The following OXCT1 variants were observed in gnomAD, a reference collection of about 807,000 sequenced individuals.
OXCT1 encodes succinyl-CoA:3-ketoacid coenzyme A transferase 1, mitochondrial.
A neutral mutation model predicts 69.6 loss-of-function variants in OXCT1; 27 were observed. The ratio of observed to expected loss-of-function variants is 0.39; its 90% confidence interval spans 0.29 to 0.54. The LOEUF (loss-of-function observed/expected upper bound fraction) is 0.54, where lower values mean the gene tolerates loss of function less well. OXCT1 is among the 20% of genes least tolerant of loss of function. The pLI, the probability that OXCT1 is intolerant of heterozygous loss-of-function variation, is 0.72. For missense variants in OXCT1, 437 were observed against 650.2 expected (o/e 0.67, Z 3.57); for synonymous variants, 202 against 217.8 (o/e 0.93, Z 0.64).
chr5:41,845,198 C>G (rs1311218282), intron 5 of OXCT1, among the ~76,000 whole-genome samples: 2 of 152,186 alleles, frequency 1.3e-5, no homozygotes, highest in African/African-American at 4.8e-5. Flanking sequence ...GCCTCAGCAC[C>G]TTGTACTTAC....
intron 1 of OXCT1, 60 bp from the exon 2 acceptor site, chr5:41,862,810 T>A: frequency 2.0e-6 from 2 of 986,782 alleles, no homozygotes; most frequent in Non-Finnish European, 3.2e-6. Context: ...ACTTTGTGTG[T>A]GTAGCAATTT....
At chr5:41,767,722 G>GTATA (rs367584226) in intron 13 of OXCT1, among the ~76,000 whole-genome samples, 15,099 of 88,796 alleles carry the variant, frequency 0.17, 1,253 homozygotes, top group East Asian at 0.23. Context: ...ATATGTGTGT[G>GTATA]TATATATATA....
At chr5:41,822,577 G>C (rs939614246) in intron 7 of OXCT1, among the ~76,000 whole-genome samples, 1 of 151,986 alleles carries the variant, frequency 6.6e-6, no homozygotes, top group African/African-American at 2.4e-5. Context: ...GGGTTCAAGC[G>C]ATTCCCCTGA....
chr5:41,853,362 G>C (rs183838748), intron 4 of OXCT1, 57 bp downstream of exon 4: 1 of 1,531,820 alleles, frequency 6.5e-7, no homozygotes, highest in Non-Finnish European at 9.0e-7. Flanking sequence ...TTTCCACGGA[G>C]AAAAAAGGAA....
chr5:41,809,222 A>T (rs1020797001), intron 7 of OXCT1, among the ~76,000 whole-genome samples: 2 of 152,074 alleles, frequency 1.3e-5, no homozygotes, highest in African/African-American at 4.8e-5. Context: ...AAGAATTGTT[A>T]TCTCTGGGTA....
intron 13 of OXCT1, among the ~76,000 whole-genome samples, chr5:41,786,884 G>A (rs1016957952): frequency 9.2e-5 from 14 of 152,134 alleles, no homozygotes; most frequent in Admixed American, 9.2e-4. Context: ...TATAACTAAA[G>A]AGAGCAACAC....
chr5:41,784,463 G>A (rs890298057), intron 13 of OXCT1, among the ~76,000 whole-genome samples: 2 of 152,112 alleles, frequency 1.3e-5, no homozygotes, highest in African/African-American at 2.4e-5. Context: ...GGCTTTATCC[G>A]ACAATCATTT....
At chr5:41,810,009 AT>A (rs755606736) in intron 7 of OXCT1, among the ~76,000 whole-genome samples, 5 of 152,050 alleles carry the variant, frequency 3.3e-5, no homozygotes, top group Non-Finnish European at 7.4e-5. Flanking sequence ...AGCAGAGTTA[AT>A]AGCTAAGAAA....
intron 15 of OXCT1, among the ~76,000 whole-genome samples, chr5:41,746,168 C>T (rs1168618833): frequency 6.6e-6 from 1 of 152,148 alleles, no homozygotes; most frequent in African/African-American, 2.4e-5. Flanking sequence ...TACTGGCAAA[C>T]CGAATCCAGC....
chr5:41,747,233 G>A (rs568405770), intron 15 of OXCT1, among the ~76,000 whole-genome samples: 10 of 151,990 alleles, frequency 6.6e-5, no homozygotes, highest in African/African-American at 2.2e-4. Context: ...ATCCAGCCAT[G>A]CCCTTGCTCC....
intron 7 of OXCT1, among the ~76,000 whole-genome samples, chr5:41,835,132 A>G (rs919015162): frequency 6.6e-6 from 1 of 152,164 alleles, no homozygotes; most frequent in Non-Finnish European, 1.5e-5. Context: ...AAAATCAGAG[A>G]TGAAAAAGGG....
chr5:41,769,560 C>CAAAAAAAAAAA (rs1011999912), intron 13 of OXCT1, among the ~76,000 whole-genome samples: 1 of 92,426 alleles, frequency 1.1e-5, no homozygotes, highest in African/African-American at 4.0e-5. Context: ...CTATCTCTAC[C>CAAAAAAAAAAA]AAAAAAAAAA....
chr5:41,753,840 G>A (rs1743930831), intron 14 of OXCT1, among the ~76,000 whole-genome samples: 3 of 152,108 alleles, frequency 2.0e-5, no homozygotes, highest in Non-Finnish European at 2.9e-5. Context: ...AAAATGCCAT[G>A]TGACTAATGT....
chr5:41,734,216 T>C (rs912118054), intron 16 of OXCT1, among the ~76,000 whole-genome samples: 2 of 152,210 alleles, frequency 1.3e-5, no homozygotes, highest in African/African-American at 2.4e-5. Context: ...ATTTTACAGC[T>C]CAATATGGAA....
chr5:41,791,469 A>T (rs1269844754), intron 13 of OXCT1, among the ~76,000 whole-genome samples: 1 of 152,210 alleles, frequency 6.6e-6, no homozygotes, highest in Non-Finnish European at 1.5e-5. Flanking sequence ...CAGGAATCTT[A>T]ACAGGATATG....
At chr5:41,807,959 T>A (rs1746767748) in intron 7 of OXCT1, among the ~76,000 whole-genome samples, 1 of 152,062 alleles carries the variant, frequency 6.6e-6, no homozygotes, top group Admixed American at 6.6e-5. Flanking sequence ...GTGATACAAC[T>A]GCAATTGCTG....
chr5:41,740,250 C>T (rs767934701), intron 15 of OXCT1, among the ~76,000 whole-genome samples: 1 of 152,122 alleles, frequency 6.6e-6, no homozygotes, highest in Non-Finnish European at 1.5e-5. Flanking sequence ...TAAAGAATTA[C>T]AGGAAACAGA....
intron 1 of OXCT1, among the ~76,000 whole-genome samples, chr5:41,868,302 T>C (rs1055533467): frequency 2.0e-5 from 3 of 152,218 alleles, no homozygotes; most frequent in African/African-American, 7.2e-5. Context: ...AGTGTGTTTG[T>C]TGAGGGAGAC....
At chr5:41,798,483 C>T (rs375566246) in intron 11 of OXCT1, among the ~76,000 whole-genome samples, 1 of 152,038 alleles carries the variant, frequency 6.6e-6, no homozygotes, top group Non-Finnish European at 1.5e-5. Context: ...AGATGTTACT[C>T]CCCCAGGTGT....
Sources: gnomAD v4.1 joint callset for allele counts (sites outside exome capture counted in the v4.1 genomes callset) on GRCh38, gnomAD v4.1.1 for gene constraint, MANE v1.5 for transcripts, NCBI Gene and HGNC (gene_info 2026-07-23, HGNC 2026-07-21) for gene names.